Variants in KIF1B observed in about 807,000 individuals in gnomAD.
The protein encoded by KIF1B is kinesin family member 1B, also known as kinesin-like protein KIF1B.
In KIF1B, 76 loss-of-function variants were observed where a neutral mutation model predicts 241.9. The observed-to-expected ratio is 0.31, with a 90% CI of 0.26 to 0.38. KIF1B has a LOEUF of 0.38. Among genes scored for constraint, KIF1B ranks in the 10% least tolerant of loss-of-function variants. KIF1B has a pLI of 1.00. For missense variants in KIF1B, 1,622 were observed against 2,271.4 expected (o/e 0.71, Z 5.81); for synonymous variants, 750 against 796.7 (o/e 0.94, Z 0.99).
intron 15 of KIF1B, among the ~76,000 whole-genome samples, chr1:10,288,916 C>A (rs1649848082): frequency 6.6e-6 from 1 of 152,140 alleles, no homozygotes; most frequent in African/African-American, 2.4e-5. Context: ...AAGTCAAACA[C>A]TAGACAACTT....
intron 38 of KIF1B, chr1:10,355,236 T>G (rs1557733152): frequency 6.6e-6 from 1 of 152,384 alleles, no homozygotes; most frequent in African/African-American, 2.4e-5. Flanking sequence ...TCTGTGTTAA[T>G]TGTCTGTCCA....
chr1:10,225,370 A>C (rs1646896663), intron 1 of KIF1B, among the ~76,000 whole-genome samples: 1 of 152,160 alleles, frequency 6.6e-6, no homozygotes, highest in Non-Finnish European at 1.5e-5. Context: ...CTGTAGCTCC[A>C]GCTGCTCGGG....
chr1:10,279,309 A>G (rs1649284991), intron 14 of KIF1B, among the ~76,000 whole-genome samples, 171 bp downstream of exon 14: 1 of 152,208 alleles, frequency 6.6e-6, no homozygotes, highest in African/African-American at 2.4e-5. Flanking sequence ...CATTTAGCAA[A>G]CTAATCTTTG....
intron 38 of KIF1B, among the ~76,000 whole-genome samples, chr1:10,354,692 G>C (rs1166256910): frequency 6.6e-6 from 1 of 152,218 alleles, no homozygotes; most frequent in East Asian, 1.9e-4. Flanking sequence ...TTTGGGACCA[G>C]ATACTACTGA....
At chr1:10,220,541 T>A (rs1380714717) in intron 1 of KIF1B, among the ~76,000 whole-genome samples, 1 of 152,100 alleles carries the variant, frequency 6.6e-6, no homozygotes, top group East Asian at 1.9e-4. Flanking sequence ...CAGTGATGCA[T>A]GCCTATAGTA....
intron 5 of KIF1B, among the ~76,000 whole-genome samples, chr1:10,265,627 T>G (rs1011888511): frequency 1.2e-4 from 19 of 152,196 alleles, no homozygotes; most frequent in African/African-American, 4.1e-4. Flanking sequence ...GGAGGATTGC[T>G]TGAGCCCAGG....
chr1:10,212,523 C>T (rs1159219733), intron 1 of KIF1B, among the ~76,000 whole-genome samples: 2 of 152,092 alleles, frequency 1.3e-5, no homozygotes, highest in African/African-American at 4.8e-5. Context: ...TCTTTGTGGC[C>T]TTTGCTTTCA....
At chr1:10,375,491 C>G in intron 48 of KIF1B, 118 bp downstream of exon 48, 4 of 811,564 alleles carry the variant, frequency 4.9e-6, no homozygotes, top group Non-Finnish European at 8.6e-6. Flanking sequence ...TCAAGCGATT[C>G]TCCTGACTCA....
At chr1:10,255,408 G>T (rs1255984676) in intron 2 of KIF1B, among the ~76,000 whole-genome samples, 2 of 151,888 alleles carry the variant, frequency 1.3e-5, no homozygotes, top group East Asian at 3.9e-4. Flanking sequence ...TGGCCAACAT[G>T]GTGAAACCCT....
chr1:10,368,022 C>T (rs1040807710), intron 43 of KIF1B, among the ~76,000 whole-genome samples: 1 of 152,108 alleles, frequency 6.6e-6, no homozygotes, highest in African/African-American at 2.4e-5. Context: ...CCATCACACC[C>T]AGCCAGAACC....
chr1:10,331,293 C>T (rs1018255702), intron 27 of KIF1B, among the ~76,000 whole-genome samples: 17 of 152,206 alleles, frequency 1.1e-4, no homozygotes, highest in African/African-American at 3.9e-4. Context: ...TGATACCTTA[C>T]GCCAAATTCT....
Position 10,303,505 on chromosome 1 carries a change from T to C in KIF1B, c.2115+6259T>C. ...CAAGATGAAGGAGCTTTGTGCCATGTATGGCAAGAAAGACCCCAATGAGCG... is the reference window on the plus strand; with the variant it reads ...CAAGATGAAGGAGCTTTGTGCCATGCATGGCAAGAAAGACCCCAATGAGCG... On this transcript the variant is annotated intron_variant, in intron 22 of 48. Coordinates refer to ENST00000676179, the MANE Select transcript of KIF1B (RefSeq NM_001365951.3). The surrounding 1 kb of genome is among the most constrained non-coding windows in gnomAD (Gnocchi z 5.2). 6.2e-7 allele frequency: 1 copy of C among 1,614,156 alleles called. No homozygotes were observed. Among genetic ancestry groups the C allele is most frequent in the Non-Finnish European group, 8.5e-7 (1 of 1,180,020 alleles).
In KIF1B at chr1:10,374,420, A is replaced by G; in HGVS notation, c.5051A>G (p.Asn1684Ser). The change falls in exon 46 of 49, where the codon AAC becomes AGC. Residue 1684 changes from asparagine (N) to serine (S), a missense_variant. Asn to Ser is a conservative substitution (Grantham distance 46, BLOSUM62 1). This residue lies in a region of KIF1B where 357 missense variants were observed against 409.0 expected (regional missense o/e 0.87). Transcript: ENST00000676179. The surrounding 1 kb of genome is among the most constrained non-coding windows in gnomAD (Gnocchi z 4.3). Reference protein sequence around the residue: ...ETPYLARAGKNEFLNLVPDIE... With the variant: ...ETPYLARAGKSEFLNLVPDIE... ...CCATATTTGGCCCGAGCAGGAAAAAACGAATTTCTCAATCTTGTTCCAGAT... is the reference window on the plus strand; with the variant it reads ...CCATATTTGGCCCGAGCAGGAAAAAGCGAATTTCTCAATCTTGTTCCAGAT... 6.2e-7 allele frequency: 1 copy of G among 1,614,212 alleles called. No homozygotes were observed. Among genetic ancestry groups the G allele is most frequent in the South Asian group, 1.1e-5 (1 of 91,086 alleles).
intron 38 of KIF1B, among the ~76,000 whole-genome samples, chr1:10,357,587 G>A (rs1228577507): frequency 6.6e-6 from 1 of 152,068 alleles, no homozygotes; most frequent in Non-Finnish European, 1.5e-5. Flanking sequence ...AAATTAATTA[G>A]CCGGGTGTGG....
At chr1:10,248,426 C>G (rs978888518) in intron 2 of KIF1B, among the ~76,000 whole-genome samples, 1 of 152,118 alleles carries the variant, frequency 6.6e-6, no homozygotes, top group Non-Finnish European at 1.5e-5. Flanking sequence ...GTCTCAAACT[C>G]CTGGGCTCAA....
chr1:10,349,623 G>GT (rs78332979), intron 37 of KIF1B, among the ~76,000 whole-genome samples: 2,770 of 142,812 alleles, frequency 0.019, 28 homozygotes, highest in African/African-American at 0.034. Flanking sequence ...AAATTAGAGG[G>GT]TTTTTTTTTT....
chr1:10,257,016 A>G (rs1647828745), intron 3 of KIF1B, among the ~76,000 whole-genome samples: 2 of 151,308 alleles, frequency 1.3e-5, no homozygotes, highest in Non-Finnish European at 2.9e-5. Context: ...CTGGCTGGAA[A>G]TGCCAAATTA....
intron 27 of KIF1B, among the ~76,000 whole-genome samples, chr1:10,332,689 G>A (rs1651998148): frequency 6.7e-6 from 1 of 149,772 alleles, no homozygotes; most frequent in Non-Finnish European, 1.5e-5. Context: ...CTAATTTTTT[G>A]TATTTTTTGT....
intron 1 of KIF1B, chr1:10,227,646 A>C (rs1252793930): frequency 2.6e-5 from 4 of 152,276 alleles, no homozygotes; most frequent in African/African-American, 9.7e-5. Context: ...CATCTCTACT[A>C]AAACCACAAA....
Sources: gnomAD v4.1 joint callset for allele counts (sites outside exome capture counted in the v4.1 genomes callset) on GRCh38, gnomAD v4.1.1 for gene constraint, gnomAD v4.1.1 regional missense constraint, Gnocchi (gnomAD v3.1) non-coding constraint, MANE v1.5 for transcripts, NCBI Gene and HGNC (gene_info 2026-07-23, HGNC 2026-07-21) for gene names.